GRM7: variants seen among roughly 807,000 people sequenced by gnomAD.
GRM7 encodes glutamate metabotropic receptor 7, also known as metabotropic glutamate receptor 7.
A neutral mutation model predicts 84.5 loss-of-function variants in GRM7; 35 were observed. The observed-to-expected ratio is 0.41, with a 90% CI of 0.32 to 0.55. The LOEUF is 0.55. GRM7 is among the 20% of genes least tolerant of loss of function. GRM7 has a pLI of 0.19. For missense variants in GRM7, 1,003 were observed against 1,194.6 expected (o/e 0.84, Z 2.36); for synonymous variants, 487 against 455.1 (o/e 1.07, Z -0.89).
Position 7,415,233 on chromosome 3 carries a change from CAGAA to C in GRM7, c.1174+71_1174+74del, listed in dbSNP as rs1416819213. On this transcript the variant is annotated intron_variant, in intron 5 of 9. Coordinates refer to ENST00000357716, the MANE Select transcript of GRM7 (RefSeq NM_000844.4). The stretch of plus-strand genomic sequence containing the variant: ...AGCACTGACATGTCTGCATAGCTGA[CAGAA>C]GGAAGCTTGGCTGGAGACAAATTGA... 7.0e-6 allele frequency: 9 copies of C among 1,287,414 alleles called. No individual in the cohort carries two copies. In the Admixed American group the frequency reaches 1.9e-4, roughly 26 times the overall value. 79.7% of individuals were successfully genotyped at this position (1,287,414 alleles called of 1,614,324 possible). A position where few individuals can be genotyped will look rare whatever the true frequency, so the allele number is the denominator to read the frequency against.
intron 2 of GRM7, among the ~76,000 whole-genome samples, chr3:7,290,181 C>G (rs887095996): frequency 6.6e-6 from 1 of 152,080 alleles, no homozygotes; most frequent in Admixed American, 6.5e-5. Context: ...AAGTAACTCA[C>G]AAAGTATCAA....
chr3:7,333,013 C>T (rs966211811), intron 4 of GRM7, among the ~76,000 whole-genome samples: 2 of 152,124 alleles, frequency 1.3e-5, no homozygotes, highest in African/African-American at 4.8e-5. Flanking sequence ...ATAGCTGGTG[C>T]TTTCTTGAAA....
intron 7 of GRM7, among the ~76,000 whole-genome samples, chr3:7,516,476 CAAAAAAAAAAAAAAAA>C (rs34508559): frequency 7.1e-5 from 3 of 42,470 alleles, no homozygotes; most frequent in African/African-American, 1.4e-4. Context: ...GACTCCCTCT[CAAAAAAAAAAAAAAAA>C]AAAAAAAAAA....
intron 9 of GRM7, among the ~76,000 whole-genome samples, chr3:7,683,864 G>A (rs1700475930): frequency 1.3e-5 from 2 of 152,162 alleles, no homozygotes; most frequent in Admixed American, 1.3e-4. Flanking sequence ...TTTATTCTAG[G>A]AAACTCAATT....
intron 1 of GRM7, among the ~76,000 whole-genome samples, chr3:6,952,557 T>G (rs1031774194): frequency 2.0e-5 from 3 of 152,294 alleles, no homozygotes; most frequent in African/African-American, 7.2e-5. Flanking sequence ...TTATTTCCCC[T>G]CCTGCATTTT....
At position 7,362,741 on chromosome 3, in the gene GRM7, G is replaced by A. The variant is rs553933401; in HGVS notation, c.1034-52282G>A. Reference sequence around the variant, plus strand: ...CTTTCAAGTTTATGTGTGGTGTAGCGTGAAGAGGTGTTAATTCAGATATCA... The same window carrying A: ...CTTTCAAGTTTATGTGTGGTGTAGCATGAAGAGGTGTTAATTCAGATATCA... On this transcript the variant is annotated intron_variant, in intron 4 of 9. Transcript: ENST00000357716. 3.9e-5 allele frequency among the ~76,000 whole-genome samples: 6 copies of A among 152,148 alleles called. No individual in the cohort carries two copies. In the East Asian group the frequency reaches 5.8e-4, roughly 15 times the overall value.
chr3:7,532,637 C>G, intron 7 of GRM7, among the ~76,000 whole-genome samples: 1 of 151,676 alleles, frequency 6.6e-6, no homozygotes, highest in East Asian at 1.9e-4. Flanking sequence ...CTGCTCTGAT[C>G]TTAGTTTTTT....
At chr3:7,273,993 AT>A (rs1243338984) in intron 2 of GRM7, among the ~76,000 whole-genome samples, 2 of 151,612 alleles carry the variant, frequency 1.3e-5, no homozygotes, top group Non-Finnish European at 3.0e-5. Context: ...ATTTTATATG[AT>A]TCAATTTTCT....
intron 4 of GRM7, among the ~76,000 whole-genome samples, chr3:7,389,480 T>C (rs1453566726): frequency 2.0e-5 from 3 of 152,116 alleles, no homozygotes; most frequent in African/African-American, 7.2e-5. Context: ...CCCACTCTTA[T>C]TTTGTGGCTA....
chr3:6,871,704 T>C (rs994531116), intron 1 of GRM7, among the ~76,000 whole-genome samples: 1 of 152,124 alleles, frequency 6.6e-6, no homozygotes, highest in Non-Finnish European at 1.5e-5. Flanking sequence ...TCTCAACACA[T>C]CTATGATTTT....
At chr3:7,301,120 G>A (rs938804391) in intron 3 of GRM7, among the ~76,000 whole-genome samples, 2 of 151,678 alleles carry the variant, frequency 1.3e-5, no homozygotes, top group African/African-American at 4.8e-5. Context: ...CTTATCCTCC[G>A]ATTTGTTCTG....
intron 1 of GRM7, among the ~76,000 whole-genome samples, chr3:6,986,606 C>A (rs901926975): frequency 6.6e-6 from 1 of 152,148 alleles, no homozygotes; most frequent in Non-Finnish European, 1.5e-5. Flanking sequence ...TGATGATTTT[C>A]TAAGCTCTCT....
chr3:7,461,795 A>C, intron 7 of GRM7, 73 bp downstream of exon 7: 1 of 1,426,900 alleles, frequency 7.0e-7, no homozygotes, highest in Non-Finnish European at 9.8e-7. Flanking sequence ...CAGTTATACA[A>C]ATGTTTCTTG....
At chr3:7,225,535 T>C (rs888492181) in intron 2 of GRM7, among the ~76,000 whole-genome samples, 133 of 147,662 alleles carry the variant, frequency 9.0e-4, no homozygotes, top group African/African-American at 3.1e-3. Flanking sequence ...TAATAAGAAA[T>C]TATATATGAT....
At chr3:7,594,615 C>T (rs887421761) in intron 8 of GRM7, among the ~76,000 whole-genome samples, 1 of 152,134 alleles carries the variant, frequency 6.6e-6, no homozygotes, top group Non-Finnish European at 1.5e-5. Flanking sequence ...AACCTCCAAA[C>T]CTGTCTTCCC....
rs149551021 is a variant in GRM7, at chr3:7,395,558, C to T, written c.1034-19465C>T. On this transcript the variant is annotated intron_variant, in intron 4 of 9. Transcript: ENST00000357716. ...AATCCCCACATGTCAAGGGTGGGGC[C>T]AGGTGGAGATAATTGAATCCTAGGG... Among the ~76,000 whole-genome samples the T allele has an allele frequency of 1.1e-4, 16 of 152,184 alleles. No individual in the cohort carries two copies. The East Asian group carries it at 3.1e-3, about 29-fold the overall frequency.
At chr3:7,238,400 G>A (rs1697422164) in intron 2 of GRM7, among the ~76,000 whole-genome samples, 1 of 151,978 alleles carries the variant, frequency 6.6e-6, no homozygotes, top group Non-Finnish European at 1.5e-5. Context: ...TTCAGAGAAG[G>A]CTTCTCTGTT....
At chr3:7,677,105 C>CA (rs1005508999) in intron 8 of GRM7, among the ~76,000 whole-genome samples, 1 of 151,248 alleles carries the variant, frequency 6.6e-6, no homozygotes, top group Non-Finnish European at 1.5e-5. Context: ...ACTAAAAATA[C>CA]AAAAAAATTA....
At chr3:7,015,675 G>T (rs1223028272) in intron 1 of GRM7, among the ~76,000 whole-genome samples, 1 of 152,176 alleles carries the variant, frequency 6.6e-6, no homozygotes, top group African/African-American at 2.4e-5. Context: ...TAGAGCCAGA[G>T]AATACATTTC....
Sources: gnomAD v4.1 joint callset for allele counts (sites outside exome capture counted in the v4.1 genomes callset) on GRCh38, gnomAD v4.1.1 for gene constraint, MANE v1.5 for transcripts, NCBI Gene and HGNC (gene_info 2026-07-23, HGNC 2026-07-21) for gene names.